UBE2O: variants seen among roughly 807,000 people sequenced by gnomAD.
UBE2O encodes the protein ubiquitin conjugating enzyme E2 O.
In UBE2O, 15 loss-of-function variants were observed where a neutral mutation model predicts 125.8. That is an observed-to-expected ratio of 0.12 (90% CI 0.08 to 0.18). The LOEUF (loss-of-function observed/expected upper bound fraction) is 0.18, where lower values mean the gene tolerates loss of function less well. UBE2O is among the 10% of genes least tolerant of loss of function. The pLI is 1.00. For missense variants in UBE2O, 1,280 were observed against 1,723.6 expected, an observed-to-expected ratio of 0.74 and a Z score of 4.56; for synonymous variants, 708 against 703.2, an observed-to-expected ratio of 1.01 and a Z score of -0.11.
Position 76,396,213 on chromosome 17 carries a change from C to A in UBE2O, c.2724G>T (p.Val908=). The change falls in exon 14 of 18, where the codon GTG becomes GTT. Residue 908 remains valine, a synonymous_variant. Coordinates refer to ENST00000319380, the MANE Select transcript of UBE2O (RefSeq NM_022066.4). The surrounding 1 kb of genome is among the most constrained non-coding windows in gnomAD (Gnocchi z 6.7). ...GCTTGCCGCCACACTGCTGGCACAG[C>A]ACCGGGGTTTCGCTGGGCCACTCAG... ...VKAEWPSETP[V]LCQQCGGKPG... The A allele has an allele frequency of 6.2e-7, 1 of 1,614,196 alleles. No homozygotes were observed. Among genetic ancestry groups the A allele is most frequent in the Non-Finnish European group, 8.5e-7 (1 of 1,180,048 alleles).
rs761235210 is a variant in UBE2O at position 76,397,903 on chromosome 17, G to A, written c.2026-15C>T. The A allele has an allele frequency of 1.9e-6, 3 of 1,613,646 alleles. No individual in the cohort carries two copies. The highest frequency in any genetic ancestry group is 2.5e-6 in the Non-Finnish European group (3 of 1,179,930). On this transcript the variant is annotated splice_polypyrimidine_tract_variant and intron_variant, in intron 12 of 17. Transcript: ENST00000319380. ...CCCACCGATGGCTGCTGGGCAAAGG[G>A]GACAAAGTCAGGGGGCCCAGCTCAA...
At chr17:76,417,761 C>T (rs573986861) in intron 1 of UBE2O, among the ~76,000 whole-genome samples, 1 of 152,236 alleles carries the variant, frequency 6.6e-6, no homozygotes, top group Admixed American at 6.5e-5. Flanking sequence ...CAGGCCCAGG[C>T]GAGACAGGAG....
chr17:76,393,558 A>G (rs963580112), intron 15 of UBE2O, among the ~76,000 whole-genome samples: 1 of 152,084 alleles, frequency 6.6e-6, no homozygotes, highest in African/African-American at 2.4e-5. Flanking sequence ...AAACAAAACA[A>G]AACAATTCCT....
chr17:76,392,398 C>T lies in UBE2O; in HGVS notation c.2947-285G>A, dbSNP rs564953553. Among the ~76,000 whole-genome samples the T allele has an allele frequency of 9.6e-4, 146 of 152,040 alleles. No homozygotes were observed. In the South Asian group the frequency reaches 0.024, roughly 25 times the overall value. Reference sequence around the variant, plus strand: ...GGCTCACTGCAGCCTCCCAAGTAGCCGGGACTACAGTGTGGGCCACCGTGC... The same window carrying T: ...GGCTCACTGCAGCCTCCCAAGTAGCTGGGACTACAGTGTGGGCCACCGTGC... On this transcript the variant is annotated intron_variant, in intron 15 of 17. Coordinates refer to ENST00000319380, the MANE Select transcript of UBE2O (RefSeq NM_022066.4).
chr17:76,447,450 A>T (rs942738717), intron 1 of UBE2O, among the ~76,000 whole-genome samples: 2 of 152,204 alleles, frequency 1.3e-5, no homozygotes. Context: ...CTGGATCATG[A>T]CTGCTCTTAT....
intron 1 of UBE2O, among the ~76,000 whole-genome samples, chr17:76,409,185 C>T (rs1378866973): frequency 6.6e-6 from 1 of 152,062 alleles, no homozygotes; most frequent in Non-Finnish European, 1.5e-5. Context: ...AGCCACGATG[C>T]TCTCGATCTC....
chr17:76,427,899 G>A (rs1302502996), intron 1 of UBE2O, among the ~76,000 whole-genome samples: 1 of 152,142 alleles, frequency 6.6e-6, no homozygotes, highest in African/African-American at 2.4e-5. Context: ...TGCTTCACGT[G>A]TTCATGCAAA....
In UBE2O at chr17:76,399,021, G is replaced by A. The variant is rs963383733; in HGVS notation, c.1629-30C>T. ...GGGTGCAGGCCAGTCAGCAGGCCAT[G>A]CAAACCCCACCCCCTCCGCGGAAAG... On this transcript the variant is annotated intron_variant, in intron 9 of 17. Coordinates refer to ENST00000319380, the MANE Select transcript of UBE2O (RefSeq NM_022066.4). This position sits in a 1 kb window ranked among gnomAD's most constrained non-coding sequence, Gnocchi z 6.9. 24 of 1,609,798 alleles carry A rather than the reference G, an allele frequency of 1.5e-5. No homozygotes were observed. The highest frequency in any genetic ancestry group is 2.0e-5 in the Non-Finnish European group (24 of 1,178,170).
chr17:76,399,144 C>T lies in UBE2O; in HGVS notation c.1629-153G>A, dbSNP rs1429701644. On this transcript the variant is annotated intron_variant, in intron 9 of 17. Transcript: ENST00000319380. The surrounding 1 kb of genome is among the most constrained non-coding windows in gnomAD (Gnocchi z 6.9). Reference sequence around the variant, plus strand: ...GGATGAGTCTCTGGTGCACAGGAAGCTCACCCAGGGTTCCAAGGCCACGCA... The same window carrying T: ...GGATGAGTCTCTGGTGCACAGGAAGTTCACCCAGGGTTCCAAGGCCACGCA... Among the ~76,000 whole-genome samples the T allele has an allele frequency of 6.6e-6, 1 of 152,246 alleles. No individual in the cohort carries two copies. Among genetic ancestry groups the T allele is most frequent in the African/African-American group, 2.4e-5 (1 of 41,460 alleles).
chr17:76,436,067 C>T (rs1598617819), intron 1 of UBE2O, among the ~76,000 whole-genome samples: 1 of 152,048 alleles, frequency 6.6e-6, no homozygotes, highest in African/African-American at 2.4e-5. Flanking sequence ...GGCAACATGG[C>T]GAAAGCCTGT....
At chr17:76,392,816 G>A (rs2143665392) in intron 15 of UBE2O, among the ~76,000 whole-genome samples, 1 of 152,142 alleles carries the variant, frequency 6.6e-6, no homozygotes, top group African/African-American at 2.4e-5. Context: ...AGCCAGGCGT[G>A]GTGATGCATG....
intron 1 of UBE2O, among the ~76,000 whole-genome samples, chr17:76,430,049 C>T (rs531746814): frequency 2.2e-4 from 34 of 152,314 alleles, no homozygotes; most frequent in African/African-American, 7.0e-4. Flanking sequence ...CTTATTCCCA[C>T]CTTGAGTGCC....
At chr17:76,425,307 T>G (rs7225310) in intron 1 of UBE2O, among the ~76,000 whole-genome samples, 39,937 of 150,534 alleles carry the variant, frequency 0.27, 5,990 homozygotes, top group East Asian at 0.49. Context: ...TGGCTCATAT[T>G]GTATTTTTTT....
In UBE2O at chr17:76,406,860, C is replaced by T. The variant is rs372266259; in HGVS notation, c.418-1288G>A. On this transcript the variant is annotated intron_variant, in intron 1 of 17. Coordinates refer to ENST00000319380, the MANE Select transcript of UBE2O (RefSeq NM_022066.4). Reference sequence around the variant, plus strand: ...GACTGCAGGCACGTGCCACCACGCCCGGCTAATTTTTGTATTTTTAGTAGA... The same window carrying T: ...GACTGCAGGCACGTGCCACCACGCCTGGCTAATTTTTGTATTTTTAGTAGA... 1.7e-4 allele frequency among the ~76,000 whole-genome samples: 26 copies of T among 152,022 alleles called. No individual in the cohort carries two copies. In the East Asian group the frequency reaches 3.9e-3, roughly 23 times the overall value.
rs137965500 is a variant in UBE2O, at chr17:76,398,293, C to T, written c.1987G>A (p.Gly663Ser). The change falls in exon 12 of 18, where the codon GGC becomes AGC. Residue 663 changes from glycine (G) to serine (S), a missense_variant. Coordinates refer to ENST00000319380, the MANE Select transcript of UBE2O (RefSeq NM_022066.4). This position sits in a 1 kb window ranked among gnomAD's most constrained non-coding sequence, Gnocchi z 5.4. ...FRTTDIVIRI[G>S]NTEDGAPHKE... ...TGAGGAGCCCCATCCTCAGTATTGC[C>T]GATGCGGATGACGATGTCAGTTGTA... is the stretch of plus-strand genomic sequence containing the variant. 147 of 1,614,056 alleles carry T rather than the reference C, an allele frequency of 9.1e-5. No homozygotes were observed. The highest frequency in any genetic ancestry group is 1.3e-4 in the Admixed American group (8 of 60,002).
At position 76,395,513 on chromosome 17, in the gene UBE2O, A is replaced by C. The variant is rs77535221; in HGVS notation, c.2946+212T>G. 0.027 allele frequency: 13,780 copies of C among 517,384 alleles called. 514 individuals carry two copies. The highest frequency in any genetic ancestry group is 0.13 in the African/African-American group (6,514 of 50,894). 32.0% of individuals were successfully genotyped at this position (517,384 alleles called of 1,614,324 possible). On this transcript the variant is annotated intron_variant, in intron 15 of 17. Coordinates refer to ENST00000319380, the MANE Select transcript of UBE2O (RefSeq NM_022066.4). This position sits in a 1 kb window ranked among gnomAD's most constrained non-coding sequence, Gnocchi z 5.0. ...GGCCGAGAAAGTAATTTTTTAAAGGAGGGAGGAAAGAAAGAACCATCTGGC... is the reference window on the plus strand; with the variant it reads ...GGCCGAGAAAGTAATTTTTTAAAGGCGGGAGGAAAGAAAGAACCATCTGGC...
chr17:76,391,629 ACCTT>A lies in UBE2O; in HGVS notation c.3209-20_3209-17del. On this transcript the variant is annotated splice_polypyrimidine_tract_variant and intron_variant, in intron 17 of 17. Coordinates refer to ENST00000319380, the MANE Select transcript of UBE2O (RefSeq NM_022066.4). This position sits in a 1 kb window ranked among gnomAD's most constrained non-coding sequence, Gnocchi z 8.4. ...AGGATCAGACCTGTGTGGGCGGGAC[ACCTT>A]CCCTCAGTGGGTGAGAGAGGCCCAC... 1 of 1,604,742 alleles carries A rather than the reference ACCTT, an allele frequency of 6.2e-7. No individual in the cohort carries two copies. Among genetic ancestry groups the A allele is most frequent in the Non-Finnish European group, 8.5e-7 (1 of 1,173,644 alleles).
chr17:76,414,512 A>C (rs1361502840), intron 1 of UBE2O, among the ~76,000 whole-genome samples: 1 of 152,062 alleles, frequency 6.6e-6, no homozygotes, highest in Non-Finnish European at 1.5e-5. Flanking sequence ...TTGCAGGGGA[A>C]CTGCACACCA....
Position 76,400,116 on chromosome 17 carries a change from T to C in UBE2O, c.1155+31A>G, listed in dbSNP as rs748795835. 6 of 1,601,422 alleles carry C rather than the reference T, an allele frequency of 3.7e-6. No individual in the cohort carries two copies. The South Asian group carries it at 6.7e-5, about 18-fold the overall frequency. On this transcript the variant is annotated intron_variant, in intron 8 of 17. Transcript: ENST00000319380. The surrounding 1 kb of genome is among the most constrained non-coding windows in gnomAD (Gnocchi z 4.3). ...AATGGCTCAAGGCCAGTTCCTCAAA[T>C]GCCCACCAATCCCCAACCCCAAGGA...
Sources: allele counts gnomAD v4.1 joint callset (sites outside exome capture counted in the v4.1 genomes callset), GRCh38; gene constraint gnomAD v4.1.1; non-coding constraint Gnocchi (gnomAD v3.1); transcripts MANE v1.5; gene names NCBI Gene and HGNC (gene_info 2026-07-23, HGNC 2026-07-21).